Variants in CA6 observed in about 807,000 individuals in gnomAD.
The protein encoded by CA6 is carbonate dehydratase VI.
CA6 carries 28 observed loss-of-function variants against 35.9 expected under a neutral mutation model. The observed-to-expected ratio is 0.78, with a 90% CI of 0.58 to 1.07. CA6 has a LOEUF of 1.07. CA6 is among the 50% of genes least tolerant of loss of function. The probability of loss-of-function intolerance (pLI) is 0.00; values close to 1 mark genes in which losing one functional copy is unlikely to be tolerated. For missense variants in CA6, 377 were observed against 382.0 expected (o/e 0.99, Z 0.11); for synonymous variants, 148 against 152.6 (o/e 0.97, Z 0.22).
intron 5 of CA6, 97 bp from the exon 6 acceptor site, chr1:8,967,562 C>G: frequency 1.1e-6 from 1 of 930,024 alleles, no homozygotes; most frequent in Non-Finnish European, 1.7e-6. Flanking sequence ...CTGCTGAACT[C>G]AAGAGATTGG....
intron 5 of CA6, among the ~76,000 whole-genome samples, chr1:8,964,461 T>C (rs578120578): frequency 1.2e-4 from 19 of 152,312 alleles, no homozygotes; most frequent in African/African-American, 4.6e-4. Context: ...TTGGCCAGGA[T>C]GGTCTCGATC....
chr1:8,973,288 G>A (rs1387023052), intron 7 of CA6, among the ~76,000 whole-genome samples: 1 of 152,088 alleles, frequency 6.6e-6, no homozygotes, highest in Non-Finnish European at 1.5e-5. Flanking sequence ...CAAATTGCTG[G>A]GATTACAGGT....
intron 6 of CA6, among the ~76,000 whole-genome samples, chr1:8,970,009 G>T (rs1479361264): frequency 6.6e-6 from 1 of 152,002 alleles, no homozygotes; most frequent in African/African-American, 2.4e-5. Flanking sequence ...TTTGAGACCA[G>T]CCTGGCCCAC....
intron 2 of CA6, chr1:8,951,844 G>A: frequency 1.0e-5 from 3 of 286,158 alleles, no homozygotes; most frequent in Non-Finnish European, 1.9e-5. Context: ...TTTTGAGATG[G>A]AGTCTTGCTC....
At chr1:8,965,817 G>A (rs1234387934) in intron 5 of CA6, among the ~76,000 whole-genome samples, 4 of 151,662 alleles carry the variant, frequency 2.6e-5, no homozygotes, top group Admixed American at 6.6e-5. Flanking sequence ...AACCCGGGAG[G>A]CAGAGGTTGC....
At chr1:8,946,008 C>A in intron 1 of CA6, 43 bp downstream of exon 1, 2 of 1,232,004 alleles carry the variant, frequency 1.6e-6, no homozygotes, top group South Asian at 1.3e-5. Context: ...TACCCTCACA[C>A]CCTTACAACA....
At chr1:8,966,704 A>G (rs1217240700) in intron 5 of CA6, among the ~76,000 whole-genome samples, 1 of 152,210 alleles carries the variant, frequency 6.6e-6, no homozygotes, top group African/African-American at 2.4e-5. Context: ...GCTCAGGGAA[A>G]GTGAAGCAAA....
At chr1:8,957,633 G>A (rs1639725197) in intron 3 of CA6, among the ~76,000 whole-genome samples, 1 of 151,310 alleles carries the variant, frequency 6.6e-6, no homozygotes, top group Non-Finnish European at 1.5e-5. Context: ...GAGCCACAGT[G>A]CCCAGCCGTC....
In CA6 at chr1:8,956,327, T is replaced by C. The variant is rs371747793; in HGVS notation, c.260-810T>C. On this transcript the variant is annotated intron_variant, in intron 2 of 7. Coordinates refer to ENST00000377443, the MANE Select transcript of CA6 (RefSeq NM_001215.4). The stretch of plus-strand genomic sequence containing the variant: ...TTTCTTAGTCACTTTTCTTAGTAAC[T>C]GAGCCCGTTTTTTTCTTTTTGTGTA... Among the ~76,000 whole-genome samples the C allele has an allele frequency of 4.6e-5, 7 of 152,280 alleles. No individual in the cohort carries two copies. The East Asian group carries it at 7.7e-4, about 17-fold the overall frequency.
intron 4 of CA6, among the ~76,000 whole-genome samples, chr1:8,959,371 G>C (rs543712421): frequency 6.6e-6 from 1 of 150,648 alleles, no homozygotes; most frequent in African/African-American, 2.5e-5. Context: ...TTGGAGTGCA[G>C]TGGCACAATC....
intron 4 of CA6, 141 bp downstream of exon 4, chr1:8,959,143 C>A: frequency 1.6e-6 from 1 of 623,424 alleles, no homozygotes. Context: ...AACATTGACT[C>A]GATGGAAGAT....
At chr1:8,972,455 G>A (rs58838874) in intron 7 of CA6, among the ~76,000 whole-genome samples, 18,211 of 152,062 alleles carry the variant, frequency 0.12, 2,166 homozygotes, top group African/African-American at 0.31. Context: ...GGCAGATCAC[G>A]ATGTCAGGAG....
intron 1 of CA6, 115 bp downstream of exon 1, chr1:8,946,080 C>A: frequency 1.5e-6 from 1 of 689,176 alleles, no homozygotes. Flanking sequence ...CTCTGTTGCC[C>A]AGGCTTGAGT....
intron 7 of CA6, among the ~76,000 whole-genome samples, chr1:8,972,142 G>C (rs114449417): frequency 0.01 from 1,526 of 152,020 alleles, 36 homozygotes; most frequent in African/African-American, 0.035. Context: ...CAAACATCCA[G>C]GCTCAAGTGA....
At chr1:8,971,769 C>A (rs976125460) in intron 7 of CA6, among the ~76,000 whole-genome samples, 6 of 152,244 alleles carry the variant, frequency 3.9e-5, no homozygotes, top group Non-Finnish European at 2.9e-5. Flanking sequence ...AGGCCCCAGA[C>A]CCCAGCGTGC....
chr1:8,947,469 A>AGCGGTTGT (rs1281314901), intron 1 of CA6, among the ~76,000 whole-genome samples: 4 of 152,128 alleles, frequency 2.6e-5, no homozygotes, highest in African/African-American at 9.7e-5. Flanking sequence ...AAGTCCAGCC[A>AGCGGTTGT]GCTCTGAACA....
At chr1:8,973,207 A>T (rs888199615) in intron 7 of CA6, among the ~76,000 whole-genome samples, 6 of 152,054 alleles carry the variant, frequency 3.9e-5, no homozygotes, top group African/African-American at 1.5e-4. Context: ...TTTAGTAGAG[A>T]TGGGATTTCA....
At chr1:8,946,622 G>A (rs939459485) in intron 1 of CA6, among the ~76,000 whole-genome samples, 2 of 151,876 alleles carry the variant, frequency 1.3e-5, no homozygotes, top group Non-Finnish European at 2.9e-5. Flanking sequence ...TTGTTGGTCC[G>A]TGTAAGTGGA....
At chr1:8,956,333 C>T (rs557652434) in intron 2 of CA6, among the ~76,000 whole-genome samples, 39 of 152,078 alleles carry the variant, frequency 2.6e-4, no homozygotes, top group African/African-American at 8.2e-4. Flanking sequence ...TAACTGAGCC[C>T]GTTTTTTTCT....
Sources: allele counts gnomAD v4.1 joint callset (sites outside exome capture counted in the v4.1 genomes callset), GRCh38; gene constraint gnomAD v4.1.1; transcripts MANE v1.5; gene names NCBI Gene and HGNC (gene_info 2026-07-23, HGNC 2026-07-21).